WASHC4: variants seen among roughly 807,000 people sequenced by gnomAD.
The protein encoded by WASHC4 is WASH complex subunit 4, also known as WASH complex subunit 7.
WASHC4 carries 86 observed loss-of-function variants against 166.6 expected under a neutral mutation model. The ratio of observed to expected loss-of-function variants is 0.52; its 90% CI spans 0.43 to 0.62. WASHC4 has a LOEUF of 0.62. WASHC4 is among the 20% of genes least tolerant of loss of function. WASHC4 has a pLI of 0.00. For synonymous variants in WASHC4, 446 were observed against 451.6 expected, an observed-to-expected ratio of 0.99 and a Z score of 0.16; for missense variants, 1,262 against 1,382.4, an observed-to-expected ratio of 0.91 and a Z score of 1.38.
chr12:105,120,448 G>T (rs1880621882), intron 7 of WASHC4, 107 bp from the exon 8 acceptor site: 3 of 706,500 alleles, frequency 4.2e-6, no homozygotes, highest in Non-Finnish European at 7.6e-6. Flanking sequence ...CCTTAATAAA[G>T]ATAAATATTA....
chr12:105,140,470 T>G, intron 16 of WASHC4, 69 bp downstream of exon 16: 1 of 1,163,022 alleles, frequency 8.6e-7, no homozygotes, highest in Non-Finnish European at 1.3e-6. Context: ...TTGTTTTATA[T>G]GTGTTTTCTG....
chr12:105,159,354 T>C (rs1376431581), intron 28 of WASHC4, among the ~76,000 whole-genome samples: 1 of 152,194 alleles, frequency 6.6e-6, no homozygotes, highest in Non-Finnish European at 1.5e-5. Context: ...TGATAATGAA[T>C]AGATTATCTG....
At chr12:105,148,648 A>G in intron 24 of WASHC4, 4 of 985,372 alleles carry the variant, frequency 4.1e-6, no homozygotes, top group Non-Finnish European at 4.8e-6. Flanking sequence ...GAGAGAGTAC[A>G]ATGTTTAAGC....
In WASHC4 at chr12:105,164,293, G is replaced by T. The variant is rs1285231265; in HGVS notation, c.3340G>T (p.Asp1114Tyr). 5 of 1,613,646 alleles carry T rather than the reference G, an allele frequency of 3.1e-6. No individual in the cohort carries two copies. The African/African-American group carries it at 4.0e-5, about 13-fold the overall frequency. Residue 1114 changes from aspartate to tyrosine, a missense_variant, in exon 31 of 33, where the codon GAT becomes TAT. Coordinates refer to ENST00000332180, the MANE Select transcript of WASHC4 (RefSeq NM_015275.3). ...CATGAATCTCACTCAGAAGCGACTG[G>T]ATGTCTATCTACAGGTAGAGAGGAG... is the stretch of plus-strand genomic sequence containing the variant. ...QTMNLTQKRLDVYLQEFELLY... is the reference protein window; with the variant it reads ...QTMNLTQKRLYVYLQEFELLY...
In WASHC4 at chr12:105,114,225, T is replaced by G; in HGVS notation, c.211T>G (p.Tyr71Asp). The part of the protein sequence containing the change: ...LDPIALKLLP[Y>D]EQSSLLELIK... ...TCCTTTGTTTCTGTAGCTTTTGCCT[T>G]ATGAACAGTCCTCTCTTTTGGAACT... Residue 71 changes from tyrosine to aspartate, a missense_variant, in exon 3 of 33, where the codon TAT becomes GAT. Coordinates refer to ENST00000332180, the MANE Select transcript of WASHC4 (RefSeq NM_015275.3). 4 of 1,610,008 alleles carry G rather than the reference T, an allele frequency of 2.5e-6. No individual in the cohort carries two copies. Among genetic ancestry groups the G allele is most frequent in the Non-Finnish European group, 3.4e-6 (4 of 1,177,470 alleles).
rs573380730 is a variant in WASHC4, at chr12:105,133,296, C to T, written c.1200-474C>T. Among the ~76,000 whole-genome samples the T allele has an allele frequency of 1.8e-4, 27 of 152,262 alleles. No individual in the cohort carries two copies. In the South Asian group the frequency reaches 4.1e-3, roughly 23 times the overall value. ...TTGTCTTTCACTTTTCTGCACTTCTCGTATATTTGCATGAATTACTCATTC... is the reference window on the plus strand; with the variant it reads ...TTGTCTTTCACTTTTCTGCACTTCTTGTATATTTGCATGAATTACTCATTC... On this transcript the variant is annotated intron_variant, in intron 13 of 32. Coordinates refer to ENST00000332180, the MANE Select transcript of WASHC4 (RefSeq NM_015275.3).
At position 105,126,113 on chromosome 12, in the gene WASHC4, T is replaced by G. The variant is rs755961308; in HGVS notation, c.896T>G (p.Val299Gly). 6.2e-7 allele frequency: 1 copy of G among 1,613,044 alleles called. No homozygotes were observed. Among genetic ancestry groups the G allele is most frequent in the South Asian group, 1.1e-5 (1 of 91,042 alleles). ...AHSIRSIFAN[V>G]EAKLGEPSEI... ...AGTATTCGGTCAATTTTTGCAAATGTAGAAGCCAAACTTGGTAATGTAAAT... is the reference window on the plus strand; with the variant it reads ...AGTATTCGGTCAATTTTTGCAAATGGAGAAGCCAAACTTGGTAATGTAAAT... The change falls in exon 11 of 33, where the codon GTA becomes GGA. Residue 299 changes from valine to glycine, a missense_variant. Physicochemically the swap from Val to Gly is moderately radical, Grantham distance 109. Coordinates refer to ENST00000332180, the MANE Select transcript of WASHC4 (RefSeq NM_015275.3).
At chr12:105,165,504 A>G (rs183293698) in intron 32 of WASHC4, among the ~76,000 whole-genome samples, 1 of 152,322 alleles carries the variant, frequency 6.6e-6, no homozygotes, top group Admixed American at 6.5e-5. Context: ...AACTAGATAC[A>G]GCGACTAGTT....
At position 105,164,260 on chromosome 12, in the gene WASHC4, T is replaced by C. The variant is rs61733561; in HGVS notation, c.3307T>C (p.Leu1103=). 1,725 of 1,614,028 alleles carry C rather than the reference T, an allele frequency of 1.1e-3. 18 individuals are homozygous for C. The African/African-American group carries it at 0.021, about 19-fold the overall frequency. Residue 1103 remains leucine, a synonymous_variant, in exon 31 of 33, where the codon TTA becomes CTA. Transcript: ENST00000332180. ...GTCAGCCAGTCAAGATGAAAAACTCTTACAAACCATGAATCTCACTCAGAA... is the reference window on the plus strand; with the variant it reads ...GTCAGCCAGTCAAGATGAAAAACTCCTACAAACCATGAATCTCACTCAGAA... The part of the protein sequence containing the change: ...VQSASQDEKL[L]QTMNLTQKRL...
At chr12:105,162,693 T>C in intron 29 of WASHC4, 56 bp from the exon 30 acceptor site, 1 of 845,426 alleles carries the variant, frequency 1.2e-6, no homozygotes, top group East Asian at 2.4e-5. Context: ...GTTATAGGAA[T>C]TCTGAAGATT....
chr12:105,131,051 G>T (rs1370332614), intron 13 of WASHC4, among the ~76,000 whole-genome samples: 1 of 151,506 alleles, frequency 6.6e-6, no homozygotes, highest in East Asian at 1.9e-4. Context: ...ACTTGAAGCA[G>T]TTTTGTTTTT....
intron 17 of WASHC4, 28 bp from the exon 18 acceptor site, chr12:105,141,139 C>G: frequency 6.2e-7 from 1 of 1,609,770 alleles, no homozygotes; most frequent in Non-Finnish European, 8.5e-7. Flanking sequence ...ACTGCAACTT[C>G]TCTGCCTTTT....
chr12:105,130,946 G>A lies in WASHC4; in HGVS notation c.1200-2824G>A, dbSNP rs79211608. Among the ~76,000 whole-genome samples the A allele has an allele frequency of 7.7e-4, 117 of 152,108 alleles. 1 individual carries two copies. The highest frequency in any genetic ancestry group is 2.6e-3 in the African/African-American group (109 of 41,496). On this transcript the variant is annotated intron_variant, in intron 13 of 32. Transcript: ENST00000332180. Reference sequence around the variant, plus strand: ...GGCAGGAGATTTGTTTTTTTACCTTGGTATTTTTCCTGTTTGTACTTTGAA... The same window carrying A: ...GGCAGGAGATTTGTTTTTTTACCTTAGTATTTTTCCTGTTTGTACTTTGAA...
chr12:105,114,227 T>C lies in WASHC4; in HGVS notation c.213T>C (p.Tyr71=). ...LDPIALKLLP[Y]EQSSLLELIK... ...CTTTGTTTCTGTAGCTTTTGCCTTA[T>C]GAACAGTCCTCTCTTTTGGAACTCA... The change falls in exon 3 of 33, where the codon TAT becomes TAC. Residue 71 remains tyrosine (Y), a synonymous_variant. Coordinates refer to ENST00000332180, the MANE Select transcript of WASHC4 (RefSeq NM_015275.3). 6.2e-7 allele frequency: 1 copy of C among 1,610,126 alleles called. No homozygotes were observed. Among genetic ancestry groups the C allele is most frequent in the East Asian group, 2.2e-5 (1 of 44,744 alleles).
chr12:105,108,999 G>A (rs1017486564), intron 1 of WASHC4, among the ~76,000 whole-genome samples: 4 of 152,174 alleles, frequency 2.6e-5, no homozygotes, highest in Admixed American at 2.6e-4. Context: ...AGCTGGGCTT[G>A]GTGGCGAGCG....
At chr12:105,157,912 G>A (rs1016528367) in intron 28 of WASHC4, among the ~76,000 whole-genome samples, 22 of 151,378 alleles carry the variant, frequency 1.5e-4, no homozygotes, top group Admixed American at 2.6e-4. Context: ...CCCATAACAC[G>A]AGAGGCATGC....
At position 105,167,946 on chromosome 12, in the gene WASHC4, A is replaced by G. The variant is rs1166958113; in HGVS notation, c.*1015A>G. The G allele has an allele frequency of 6.6e-6, 1 of 152,516 alleles. No individual in the cohort carries two copies. Among genetic ancestry groups the G allele is most frequent in the Non-Finnish European group, 1.5e-5 (1 of 67,978 alleles). 9.4% of individuals were successfully genotyped at this position (152,516 alleles called of 1,614,324 possible). ...AAGATTTTGAGTAAATTTTGTGCCC[A>G]GCAAGCTGTTAGTTTTATTTTTGTA... On this transcript the variant is annotated 3_prime_UTR_variant, in exon 33 of 33. Coordinates refer to ENST00000332180, the MANE Select transcript of WASHC4 (RefSeq NM_015275.3).
At chr12:105,154,083 T>TG (rs1393310977) in intron 26 of WASHC4, among the ~76,000 whole-genome samples, 2 of 151,080 alleles carry the variant, frequency 1.3e-5, no homozygotes, top group Non-Finnish European at 2.9e-5. Flanking sequence ...CAGGCTGGAG[T>TG]GCAGTGGCAT....
At chr12:105,166,044 C>T (rs1884788829) in intron 32 of WASHC4, among the ~76,000 whole-genome samples, 1 of 152,138 alleles carries the variant, frequency 6.6e-6, no homozygotes, top group Admixed American at 6.6e-5. Flanking sequence ...GAAAACTCTG[C>T]GGGGCGATTG....
Sources: gnomAD v4.1 joint callset for allele counts (sites outside exome capture counted in the v4.1 genomes callset) on GRCh38, gnomAD v4.1.1 for gene constraint, MANE v1.5 for transcripts, NCBI Gene and HGNC (gene_info 2026-07-23, HGNC 2026-07-21) for gene names.